GABRA3: variants seen among roughly 807,000 people sequenced by gnomAD.
The protein encoded by GABRA3 is gamma-aminobutyric acid type A receptor subunit alpha3.
In GABRA3, 10 loss-of-function variants were observed where a neutral mutation model predicts 30.1. The ratio of observed to expected loss-of-function variants is 0.33; its 90% CI spans 0.20 to 0.56. The LOEUF is 0.56. GABRA3 is among the 20% of genes least tolerant of loss of function. The pLI is 0.89. For missense variants in GABRA3, 233 were observed against 392.0 expected, an observed-to-expected ratio of 0.59 and a Z score of 3.42; for synonymous variants, 151 against 146.8, an observed-to-expected ratio of 1.03 and a Z score of -0.21.
rs12687401 is a variant in GABRA3, at chrX:152,292,436, G to A, written c.263-7701C>T. The stretch of plus-strand genomic sequence containing the variant: ...ATTGCATCTATTTGATTCTTCTCTC[G>A]TTTCTTCTTTATTAGTCTCGCTAGC... On this transcript the variant is annotated intron_variant, in intron 3 of 9. Transcript: ENST00000370314. Among the ~76,000 whole-genome samples, 6 of 109,837 alleles carry A rather than the reference G, an allele frequency of 5.5e-5. No homozygotes were observed. In the East Asian group the frequency reaches 1.7e-3, roughly 32 times the overall value.
intron 1 of GABRA3, among the ~76,000 whole-genome samples, chrX:152,414,341 A>T (rs1428911277): frequency 9.0e-6 from 1 of 111,434 alleles, no homozygotes; most frequent in Non-Finnish European, 1.9e-5. Context: ...GTATTGAAGT[A>T]ACCTGAATGG....
chrX:152,234,783 G>A (rs1486415363), intron 5 of GABRA3, among the ~76,000 whole-genome samples: 1 of 111,485 alleles, frequency 9.0e-6, no homozygotes. Flanking sequence ...TTGGCTGTAG[G>A]TATGAAGCTT....
chrX:152,246,888 A>G (rs1938469610), intron 5 of GABRA3, among the ~76,000 whole-genome samples: 1 of 111,912 alleles, frequency 8.9e-6, no homozygotes, highest in Admixed American at 9.5e-5. Context: ...CAAGCTATCA[A>G]TGCTTGGTTG....
At chrX:152,212,063 G>T (rs912952033) in intron 6 of GABRA3, among the ~76,000 whole-genome samples, 1 of 108,342 alleles carries the variant, frequency 9.2e-6, no homozygotes, top group Non-Finnish European at 1.9e-5. Flanking sequence ...CAGGAGGATT[G>T]CATGGGGCCA....
At chrX:152,179,327 A>G (rs1937114020) in intron 9 of GABRA3, among the ~76,000 whole-genome samples, 1 of 110,782 alleles carries the variant, frequency 9.0e-6, no homozygotes, top group Non-Finnish European at 1.9e-5. Flanking sequence ...TACTCTTAGC[A>G]GTTTTCAAGA....
At chrX:152,437,375 T>C (rs1266193924) in intron 1 of GABRA3, among the ~76,000 whole-genome samples, 1 of 111,882 alleles carries the variant, frequency 8.9e-6, no homozygotes, top group Non-Finnish European at 1.9e-5. Flanking sequence ...TCTAAATACA[T>C]GGAGAAATAT....
chrX:152,391,124 T>C (rs139685586), intron 1 of GABRA3, among the ~76,000 whole-genome samples: 57 of 111,856 alleles, frequency 5.1e-4, no homozygotes, highest in African/African-American at 1.7e-3. Context: ...AATCCTGCAA[T>C]ATGAACTGAC....
intron 1 of GABRA3, among the ~76,000 whole-genome samples, chrX:152,443,315 C>A (rs758264896): frequency 3.6e-5 from 4 of 111,628 alleles, no homozygotes; most frequent in African/African-American, 6.5e-5. Flanking sequence ...CCTAACAGAT[C>A]GGTAAAAATT....
chrX:152,278,791 T>C (rs1939140520), intron 4 of GABRA3, among the ~76,000 whole-genome samples: 1 of 112,232 alleles, frequency 8.9e-6, no homozygotes, highest in Non-Finnish European at 1.9e-5. Context: ...GACTTTTTAA[T>C]GATTGCCATT....
rs151311224 is a variant in GABRA3 at position 152,356,839 on chromosome X, T to C, written c.140+7592A>G. 5.2e-3 allele frequency among the ~76,000 whole-genome samples: 584 copies of C among 111,944 alleles called. 5 individuals are homozygous for C. Among genetic ancestry groups the C allele is most frequent in the African/African-American group, 0.018 (552 of 30,886 alleles). On this transcript the variant is annotated intron_variant, in intron 2 of 9. Transcript: ENST00000370314. ...GCTCCCACTTATAAGTGAGAACACA[T>C]AGTATTTGGTTTATTGTTCCTGTGT... is the stretch of plus-strand genomic sequence containing the variant.
At chrX:152,275,778 A>ATAAT (rs1391219716) in intron 4 of GABRA3, among the ~76,000 whole-genome samples, 1 of 108,545 alleles carries the variant, frequency 9.2e-6, no homozygotes, top group African/African-American at 3.3e-5. Context: ...AAATAAATAA[A>ATAAT]TATATTTATA....
intron 6 of GABRA3, among the ~76,000 whole-genome samples, chrX:152,218,444 G>T (rs1029531926): frequency 9.0e-6 from 1 of 110,730 alleles, no homozygotes; most frequent in Non-Finnish European, 1.9e-5. Context: ...ATGTTGTTTG[G>T]TGGAACGCTC....
intron 4 of GABRA3, among the ~76,000 whole-genome samples, chrX:152,260,270 CAGATGGCATGTCT>C (rs1179577124): frequency 9.0e-6 from 1 of 111,630 alleles, no homozygotes; most frequent in Non-Finnish European, 1.9e-5. Context: ...CTCTGGCTCC[CAGATGGCATGTCT>C]AGATCTGCCA....
chrX:152,444,050 G>A (rs1325014353), intron 1 of GABRA3, among the ~76,000 whole-genome samples: 1 of 110,981 alleles, frequency 9.0e-6, no homozygotes, highest in East Asian at 2.8e-4. Flanking sequence ...GGATTTAGAG[G>A]TGATTTTTTT....
chrX:152,182,603 T>TACATATATAGTGTATATATAC, intron 9 of GABRA3, among the ~76,000 whole-genome samples: 1 of 11,477 alleles, frequency 8.7e-5, no homozygotes, highest in East Asian at 2.6e-3. Flanking sequence ...ACACTATATA[T>TACATATATAGTGTATATATAC]ACTATATATG....
intron 4 of GABRA3, among the ~76,000 whole-genome samples, chrX:152,262,001 T>G (rs1938738482): frequency 8.9e-6 from 1 of 112,572 alleles, no homozygotes; most frequent in South Asian, 3.7e-4. Flanking sequence ...ATTCTTGACT[T>G]CTGTGTACCT....
At chrX:152,335,048 T>C (rs1940213897) in intron 3 of GABRA3, among the ~76,000 whole-genome samples, 1 of 111,739 alleles carries the variant, frequency 8.9e-6, no homozygotes, top group African/African-American at 3.3e-5. Flanking sequence ...TGAGAGTTTC[T>C]TCCTTTCTTG....
chrX:152,237,213 T>C (rs1201661127), intron 5 of GABRA3, among the ~76,000 whole-genome samples: 1 of 111,501 alleles, frequency 9.0e-6, no homozygotes, highest in Non-Finnish European at 1.9e-5. Flanking sequence ...TTTCTCCATA[T>C]GGCTAGCCAG....
chrX:152,215,055 T>TA (rs1012514156), intron 6 of GABRA3, among the ~76,000 whole-genome samples: 2,318 of 100,439 alleles, frequency 0.023, 43 homozygotes, highest in Middle Eastern at 0.064. Context: ...TATATATATA[T>TA]TTTTTTATAT....
Sources: gnomAD v4.1 joint callset for allele counts (sites outside exome capture counted in the v4.1 genomes callset) on GRCh38, gnomAD v4.1.1 for gene constraint, MANE v1.5 for transcripts, NCBI Gene and HGNC (gene_info 2026-07-23, HGNC 2026-07-21) for gene names.